The following PCDHA4 variants were observed in gnomAD, a reference collection of about 807,000 sequenced individuals.
The protein encoded by PCDHA4 is protocadherin alpha-4.
A neutral mutation model predicts 61.4 loss-of-function variants in PCDHA4; 49 were observed. The observed-to-expected ratio is 0.80, with a 90% CI of 0.63 to 1.01. The LOEUF is 1.01. Among genes scored for constraint, PCDHA4 ranks in the 50% least tolerant of loss-of-function variants. The probability of loss-of-function intolerance (pLI) is 0.00; values close to 1 mark genes in which losing one functional copy is unlikely to be tolerated. For missense variants in PCDHA4, 1,254 were observed against 1,235.8 expected (o/e 1.01, Z -0.22); for synonymous variants, 590 against 550.3 (o/e 1.07, Z -1.01).
chr5:140,898,711 T>A (rs1280268769), intron 1 of PCDHA4, among the ~76,000 whole-genome samples: 2 of 152,226 alleles, frequency 1.3e-5, no homozygotes, highest in Non-Finnish European at 2.9e-5. Flanking sequence ...AAGTAGTTTT[T>A]TCCAATTCTG....
At chr5:140,993,571 G>A (rs1298531948) in intron 3 of PCDHA4, among the ~76,000 whole-genome samples, 1 of 151,484 alleles carries the variant, frequency 6.6e-6, no homozygotes, top group Non-Finnish European at 1.5e-5. Flanking sequence ...TCCTTTCTAG[G>A]GATGCTTTTC....
At chr5:140,834,529 C>T (rs2150220403) in intron 1 of PCDHA4, 3 of 1,614,054 alleles carry the variant, frequency 1.9e-6, no homozygotes, top group Non-Finnish European at 2.5e-6. Context: ...GGCCGCATCG[C>T]GCAGGACCTG....
intron 1 of PCDHA4, chr5:140,836,028 G>A: frequency 6.2e-7 from 1 of 1,613,510 alleles, no homozygotes; most frequent in Non-Finnish European, 8.5e-7. Context: ...GGGCAGCAAC[G>A]TGACGCTGCA....
chr5:140,959,780 A>G (rs2095510657), intron 1 of PCDHA4, among the ~76,000 whole-genome samples: 1 of 152,262 alleles, frequency 6.6e-6, no homozygotes. Flanking sequence ...AACAGTGTAT[A>G]TTAACATGGC....
chr5:140,949,550 G>A (rs1195934854), intron 1 of PCDHA4, among the ~76,000 whole-genome samples: 11 of 151,608 alleles, frequency 7.3e-5, no homozygotes, highest in Admixed American at 7.2e-4. Flanking sequence ...TTTGTTGCTG[G>A]TCATACTTTT....
At chr5:140,908,470 G>C (rs2073991280) in intron 1 of PCDHA4, among the ~76,000 whole-genome samples, 1 of 152,186 alleles carries the variant, frequency 6.6e-6, no homozygotes, top group Non-Finnish European at 1.5e-5. Flanking sequence ...AAAGCACCCA[G>C]TTCATGATAG....
At chr5:140,845,758 T>A (rs1780017819) in intron 1 of PCDHA4, among the ~76,000 whole-genome samples, 1 of 149,708 alleles carries the variant, frequency 6.7e-6, no homozygotes, top group African/African-American at 2.4e-5. Flanking sequence ...TTGTATCAAG[T>A]AAGTTAATAG....
chr5:140,813,251 C>T (rs1765253661), intron 1 of PCDHA4: 1 of 152,142 alleles, frequency 6.6e-6, no homozygotes, highest in African/African-American at 2.4e-5. Flanking sequence ...AAATCTCCTA[C>T]TACAGTCATT....
At position 140,848,466 on chromosome 5, in the gene PCDHA4, C is replaced by T. The variant is rs2150410896; in HGVS notation, c.2385+38894C>T. 2.6e-6 allele frequency: 4 copies of T among 1,545,340 alleles called. No homozygotes were observed. In the South Asian group the frequency reaches 3.6e-5, roughly 14 times the overall value. ...TTTCTTCTAATTTGGAGGCAATTTTCACTAATTAGAAGAAGACTGAGTATT... is the reference window on the plus strand; with the variant it reads ...TTTCTTCTAATTTGGAGGCAATTTTTACTAATTAGAAGAAGACTGAGTATT... On this transcript the variant is annotated intron_variant, in intron 1 of 3. Transcript: ENST00000530339.
At chr5:140,923,221 TTTGAGCCCAGAA>T (rs1584298069) in intron 1 of PCDHA4, among the ~76,000 whole-genome samples, 1 of 71,862 alleles carries the variant, frequency 1.4e-5, no homozygotes, top group Non-Finnish European at 3.3e-5. Flanking sequence ...GAAAGGATCG[TTTGAGCCCAGAA>T]GTTTGAGACC....
At chr5:140,864,008 A>G (rs1481887604) in intron 1 of PCDHA4, 3 of 153,088 alleles carry the variant, frequency 2.0e-5, no homozygotes, top group African/African-American at 7.2e-5. Flanking sequence ...CTTAAAAAAA[A>G]AAGTACATTG....
chr5:140,914,915 T>G (rs1037949691), intron 1 of PCDHA4, among the ~76,000 whole-genome samples: 8 of 151,746 alleles, frequency 5.3e-5, no homozygotes, highest in Non-Finnish European at 1.0e-4. Context: ...TTTCTCTGTG[T>G]CTTATTGTAC....
chr5:140,871,534 T>G, intron 1 of PCDHA4: 1 of 1,514,416 alleles, frequency 6.6e-7, no homozygotes, highest in Non-Finnish European at 8.9e-7. Context: ...GAAGTGTATG[T>G]GAAATTATTT....
intron 1 of PCDHA4, chr5:140,814,957 T>C (rs1374937016): frequency 6.6e-6 from 1 of 152,232 alleles, no homozygotes; most frequent in Non-Finnish European, 1.5e-5. Flanking sequence ...TTGTCTCTTA[T>C]GACACTTTTT....
chr5:140,975,461 G>A (rs2096668419), intron 1 of PCDHA4, among the ~76,000 whole-genome samples: 1 of 152,196 alleles, frequency 6.6e-6, no homozygotes, highest in Non-Finnish European at 1.5e-5. Context: ...GGCCATCTTG[G>A]AATTCTGCCT....
At chr5:140,933,221 G>T (rs952837794) in intron 1 of PCDHA4, among the ~76,000 whole-genome samples, 1 of 151,758 alleles carries the variant, frequency 6.6e-6, no homozygotes, top group Non-Finnish European at 1.5e-5. Flanking sequence ...CTGTTATATT[G>T]CATTTATGAA....
intron 1 of PCDHA4, among the ~76,000 whole-genome samples, chr5:140,952,125 A>G (rs1027710629): frequency 6.6e-6 from 1 of 152,092 alleles, no homozygotes; most frequent in African/African-American, 2.4e-5. Context: ...TGGGCTCCCA[A>G]GGCCTTGGGA....
chr5:140,924,830 G>A (rs1240824600), intron 1 of PCDHA4, among the ~76,000 whole-genome samples: 1 of 151,612 alleles, frequency 6.6e-6, no homozygotes, highest in African/African-American at 2.4e-5. Flanking sequence ...GGGAGGGGGA[G>A]GTTGCAGGGA....
chr5:140,927,409 A>G lies in PCDHA4; in HGVS notation c.2386-51540A>G. The G allele has an allele frequency of 4.3e-6, 7 of 1,614,120 alleles. No individual in the cohort carries two copies. Among genetic ancestry groups the G allele is most frequent in the Non-Finnish European group, 5.9e-6 (7 of 1,179,964 alleles). On this transcript the variant is annotated intron_variant, in intron 1 of 3. Coordinates refer to ENST00000530339, the MANE Select transcript of PCDHA4 (RefSeq NM_018907.4). ...CCCCAGTCAGCACTTTCGCCTGGAC[A>G]TGGGATCGCGGGTTGACGGCAGCGA...
Sources: allele counts gnomAD v4.1 joint callset (sites outside exome capture counted in the v4.1 genomes callset), GRCh38; gene constraint gnomAD v4.1.1; transcripts MANE v1.5; gene names NCBI Gene and HGNC (gene_info 2026-07-23, HGNC 2026-07-21).